SIRPA: variants seen among roughly 807,000 people sequenced by gnomAD.
The protein encoded by SIRPA is signal regulatory protein alpha, also known as tyrosine-protein phosphatase non-receptor type substrate 1.
A neutral mutation model predicts 50.3 loss-of-function variants in SIRPA; 9 were observed. That is an observed-to-expected ratio of 0.18 (90% CI 0.11 to 0.31). SIRPA has a LOEUF of 0.31. Ranked by LOEUF, SIRPA falls within the 10% of genes least tolerant of loss-of-function variation. SIRPA has a pLI of 1.00. For missense variants in SIRPA, 474 were observed against 661.6 expected (o/e 0.72, Z 3.11); for synonymous variants, 265 against 284.1 (o/e 0.93, Z 0.68).
intron 7 of SIRPA, among the ~76,000 whole-genome samples, chr20:1,935,161 T>G (rs1986506697): frequency 6.6e-6 from 1 of 152,166 alleles, no homozygotes; most frequent in South Asian, 2.1e-4. Flanking sequence ...ATGCTGGAAC[T>G]GCAAAGCCCA....
rs759369569 is a variant in SIRPA at position 1,933,113 on chromosome 20, C to T, written c.1227-1602C>T. ...CATGGAGCATGCAAAGGCCCTGGGG[C>T]AGCCTGACTGGCATTCATTCCAAGT... On this transcript the variant is annotated intron_variant, in intron 6 of 7. Coordinates refer to ENST00000358771, the MANE Select transcript of SIRPA (RefSeq NM_001040023.2). The surrounding 1 kb of genome is among the most constrained non-coding windows in gnomAD (Gnocchi z 4.4). Among the ~76,000 whole-genome samples the T allele has an allele frequency of 4.3e-4, 65 of 152,198 alleles. 1 individual carries two copies. The highest frequency in any genetic ancestry group is 1.3e-4 in the Non-Finnish European group (9 of 68,028).
At chr20:1,935,909 A>G (rs899720411) in intron 7 of SIRPA, among the ~76,000 whole-genome samples, 1 of 152,164 alleles carries the variant, frequency 6.6e-6, no homozygotes, top group African/African-American at 2.4e-5. Flanking sequence ...AGGGCTCAGG[A>G]CAGAGGAGCT....
At chr20:1,912,475 G>T (rs1569960) in intron 1 of SIRPA, among the ~76,000 whole-genome samples, 2 of 152,022 alleles carry the variant, frequency 1.3e-5, no homozygotes, top group Non-Finnish European at 2.9e-5. Flanking sequence ...ATTCATTACC[G>T]CATTCATTCT....
chr20:1,904,989 G>C (rs185209098), intron 1 of SIRPA, among the ~76,000 whole-genome samples: 1 of 152,278 alleles, frequency 6.6e-6, no homozygotes, highest in East Asian at 1.9e-4. Context: ...CTGAGCCTCC[G>C]TTTCCCCATC....
chr20:1,899,738 C>T (rs1036900906), intron 1 of SIRPA, among the ~76,000 whole-genome samples: 7 of 152,162 alleles, frequency 4.6e-5, no homozygotes, highest in Admixed American at 2.6e-4. Context: ...GGTGCTAAGA[C>T]CCCTGGGTGT....
chr20:1,929,883 C>T (rs1986198493), intron 6 of SIRPA, among the ~76,000 whole-genome samples: 1 of 152,126 alleles, frequency 6.6e-6, no homozygotes, highest in East Asian at 1.9e-4. Flanking sequence ...TCCAGATGCC[C>T]CCCTGAGGCT....
At chr20:1,926,018 C>T (rs1326746291) in intron 5 of SIRPA, among the ~76,000 whole-genome samples, 1 of 152,236 alleles carries the variant, frequency 6.6e-6, no homozygotes, top group African/African-American at 2.4e-5. Flanking sequence ...GGGACAAGTG[C>T]TGTCCCGAGC....
chr20:1,913,820 A>G (rs557861657), intron 1 of SIRPA, among the ~76,000 whole-genome samples: 1 of 152,072 alleles, frequency 6.6e-6, no homozygotes, highest in African/African-American at 2.4e-5. Flanking sequence ...CTTGGTCCCT[A>G]TCCATCTTCA....
chr20:1,894,860 G>A (rs1266836122), upstream of SIRPA: 1 of 147,692 alleles, frequency 6.8e-6, no homozygotes, highest in Non-Finnish European at 1.5e-5. The surrounding 1 kb of genome is among the most constrained non-coding windows in gnomAD (Gnocchi z 4.0). Context: ...GAGGGGAAAG[G>A]GAAGGAGGGA....
intron 1 of SIRPA, among the ~76,000 whole-genome samples, chr20:1,900,631 G>GA (rs1568492847): frequency 6.6e-6 from 1 of 152,214 alleles, no homozygotes; most frequent in African/African-American, 2.4e-5. Flanking sequence ...AGAACAGAGA[G>GA]AAAAAAACTG....
chr20:1,934,569 G>C lies in SIRPA; in HGVS notation c.1227-146G>C. The stretch of plus-strand genomic sequence containing the variant: ...GATTGACCCCTTTGTCCAAACATTT[G>C]ATATGCAGTTGTATTTCTGTTATGA... On this transcript the variant is annotated intron_variant, in intron 6 of 7. Coordinates refer to ENST00000358771, the MANE Select transcript of SIRPA (RefSeq NM_001040023.2). This position sits in a 1 kb window ranked among gnomAD's most constrained non-coding sequence, Gnocchi z 4.6. 1 of 668,272 alleles carries C rather than the reference G, an allele frequency of 1.5e-6. No homozygotes were observed. The highest frequency in any genetic ancestry group is 2.6e-6 in the Non-Finnish European group (1 of 390,526). 41.4% of individuals were successfully genotyped at this position (668,272 alleles called of 1,614,324 possible).
Position 1,937,950 on chromosome 20 carries a change from A to G in SIRPA, c.*382A>G, listed in dbSNP as rs972380181. ...CCTGATCTTCCAGGGTGGGGAGGAG[A>G]AAATCCCACCTCCCCTGACCTCCAC... On this transcript the variant is annotated 3_prime_UTR_variant, in exon 8 of 8. Coordinates refer to ENST00000358771, the MANE Select transcript of SIRPA (RefSeq NM_001040023.2). This position sits in a 1 kb window ranked among gnomAD's most constrained non-coding sequence, Gnocchi z 8.3. The G allele has an allele frequency of 3.3e-5, 7 of 213,372 alleles. No individual in the cohort carries two copies. The highest frequency in any genetic ancestry group is 4.8e-5 in the Non-Finnish European group (5 of 105,256). The allele number at this position is 213,372 out of a possible 1,614,324, so 13.2% of individuals were successfully genotyped here. A position where few individuals can be genotyped will look rare whatever the true frequency, so the allele number is the denominator to read the frequency against.
At chr20:1,916,245 A>C (rs1299913624) in intron 2 of SIRPA, among the ~76,000 whole-genome samples, 2 of 152,202 alleles carry the variant, frequency 1.3e-5, no homozygotes, top group Non-Finnish European at 2.9e-5. Flanking sequence ...CCAGAGCCCC[A>C]GGATCCTTGT....
intron 1 of SIRPA, among the ~76,000 whole-genome samples, chr20:1,914,643 C>G (rs1985116127): frequency 6.6e-6 from 1 of 152,088 alleles, no homozygotes; most frequent in Non-Finnish European, 1.5e-5. Flanking sequence ...CTCCTACTGC[C>G]CAAACCGCTG....
In SIRPA at chr20:1,933,411, C is replaced by CT. The variant is rs397946469; in HGVS notation, c.1227-1304_1227-1303insT. ...ATAACATCAAATGCCACCCCCCCCC[C>CT]GAAATATCTGGTGGGCAGATGAGTG... On this transcript the variant is annotated intron_variant, in intron 6 of 7. Transcript: ENST00000358771. The surrounding 1 kb of genome is among the most constrained non-coding windows in gnomAD (Gnocchi z 4.4). 1.3e-5 allele frequency among the ~76,000 whole-genome samples: 2 copies of CT among 151,684 alleles called. No homozygotes were observed. The highest frequency in any genetic ancestry group is 4.8e-5 in the African/African-American group (2 of 41,276).
At chr20:1,915,594 A>AGG in intron 2 of SIRPA, 139 bp downstream of exon 2, 1 of 1,079,662 alleles carries the variant, frequency 9.3e-7, no homozygotes, top group Non-Finnish European at 1.4e-6. Flanking sequence ...TTTACAAATA[A>AGG]GGGAAGTTGA....
intron 1 of SIRPA, among the ~76,000 whole-genome samples, chr20:1,910,836 T>G (rs1984846241): frequency 6.6e-6 from 1 of 152,224 alleles, no homozygotes; most frequent in African/African-American, 2.4e-5. Flanking sequence ...TTTTATAGCT[T>G]TGTTTAATAC....
At chr20:1,897,922 G>T (rs1257284328) in intron 1 of SIRPA, among the ~76,000 whole-genome samples, 1 of 152,242 alleles carries the variant, frequency 6.6e-6, no homozygotes, top group Non-Finnish European at 1.5e-5. Flanking sequence ...CACTGAGGGA[G>T]ATTCTGAGGC....
rs531082173 is a variant in SIRPA at position 1,916,248 on chromosome 20, A to T, written c.436+793A>T. On this transcript the variant is annotated intron_variant, in intron 2 of 7. Coordinates refer to ENST00000358771, the MANE Select transcript of SIRPA (RefSeq NM_001040023.2). ...TTGTATTTACTGCCAGAGCCCCAGG[A>T]TCCTTGTTCTAACTCCGAATCCTGG... 2.0e-5 allele frequency among the ~76,000 whole-genome samples: 3 copies of T among 152,252 alleles called. No individual in the cohort carries two copies. The South Asian group carries it at 6.2e-4, about 32-fold the overall frequency.
Sources: gnomAD v4.1 joint callset for allele counts (sites outside exome capture counted in the v4.1 genomes callset) on GRCh38, gnomAD v4.1.1 for gene constraint, Gnocchi (gnomAD v3.1) non-coding constraint, MANE v1.5 for transcripts, NCBI Gene and HGNC (gene_info 2026-07-23, HGNC 2026-07-21) for gene names.